The following CCDC159 variants were observed in gnomAD, a reference collection of about 807,000 sequenced individuals.
CCDC159 encodes the protein coiled-coil domain-containing protein 159.
A neutral mutation model predicts 50.9 loss-of-function variants in CCDC159; 40 were observed. The observed-to-expected ratio is 0.79, with a 90% confidence interval of 0.61 to 1.02. CCDC159 has a LOEUF of 1.02. Ranked by LOEUF, CCDC159 falls within the 50% of genes least tolerant of loss-of-function variation. The pLI, the probability that CCDC159 is intolerant of heterozygous loss-of-function variation, is 0.00. For synonymous variants in CCDC159, 146 were observed against 138.9 expected, an observed-to-expected ratio of 1.05 and a Z score of -0.36; for missense variants, 356 against 371.5, an observed-to-expected ratio of 0.96 and a Z score of 0.34.
In CCDC159 at chr19:11,351,989, C is replaced by T. The variant is rs1367624414; in HGVS notation, c.490+16C>T. 2.5e-6 allele frequency: 4 copies of T among 1,610,718 alleles called. No homozygotes were observed. The highest frequency in any genetic ancestry group is 2.2e-5 in the South Asian group (2 of 90,614). On this transcript the variant is annotated intron_variant, in intron 6 of 10. Coordinates refer to ENST00000458408, the MANE Select transcript of CCDC159 (RefSeq NM_001080503.3). Reference sequence around the variant, plus strand: ...CAGAAGCTCCGTGAGTTCCTGGAGCCCACAGCCGGTGTGTGGGGAGGGGGT... The same window carrying T: ...CAGAAGCTCCGTGAGTTCCTGGAGCTCACAGCCGGTGTGTGGGGAGGGGGT...
chr19:11,349,841 TCCCTACTGCTACTCTGAGC>T, intron 2 of CCDC159, 78 bp from the exon 3 acceptor site: 1 of 1,267,838 alleles, frequency 7.9e-7, no homozygotes, highest in Non-Finnish European at 1.1e-6. Flanking sequence ...TTATCCCCTG[TCCCTACTGCTACTCTGAGC>T]CTTTGCTGAC....
At chr19:11,352,441 A>G (rs1967637420) in intron 7 of CCDC159, 1 of 337,552 alleles carries the variant, frequency 3.0e-6, no homozygotes, top group Admixed American at 4.5e-5. Flanking sequence ...CCCCGTCTAT[A>G]CTAAAAATAC....
chr19:11,347,332 T>C (rs188529989), intron 1 of CCDC159, among the ~76,000 whole-genome samples: 1 of 152,148 alleles, frequency 6.6e-6, no homozygotes, highest in African/African-American at 2.4e-5. Flanking sequence ...TAGTTTTTGT[T>C]TGTCTGTTTG....
chr19:11,350,896 G>A lies in CCDC159; in HGVS notation c.315G>A (p.Leu105=). The change falls in exon 5 of 11, where the codon CTG becomes CTA. Residue 105 remains leucine, a synonymous_variant. Coordinates refer to ENST00000458408, the MANE Select transcript of CCDC159 (RefSeq NM_001080503.3). The part of the protein sequence containing the change: ...EQGRQELYGA[L]TQGLQGLEKT... ...GCCGGCAGGAGCTGTATGGGGCCCTGACCCAAGGCCTTCAGGGGCTGGAGA... is the reference window on the plus strand; with the variant it reads ...GCCGGCAGGAGCTGTATGGGGCCCTAACCCAAGGCCTTCAGGGGCTGGAGA... The A allele has an allele frequency of 6.4e-7, 1 of 1,552,838 alleles. No individual in the cohort carries two copies. The highest frequency in any genetic ancestry group is 8.7e-7 in the Non-Finnish European group (1 of 1,148,112).
chr19:11,349,307 T>G, intron 1 of CCDC159: 2 of 656,778 alleles, frequency 3.0e-6, no homozygotes, highest in Non-Finnish European at 4.5e-6. Context: ...GCACCCACTG[T>G]GTTTCTTCAG....
chr19:11,349,482 C>A (rs986688844), intron 1 of CCDC159, 172 bp from the exon 2 acceptor site: 1 of 759,196 alleles, frequency 1.3e-6, no homozygotes, highest in Admixed American at 2.4e-5. Context: ...ATATGTAGCC[C>A]AAGGGGGAGG....
intron 5 of CCDC159, chr19:11,351,631 C>G: frequency 3.4e-6 from 1 of 295,094 alleles, no homozygotes; most frequent in Non-Finnish European, 5.9e-6. Flanking sequence ...GGACAGGAGA[C>G]TGGGGGTATA....
Position 11,349,991 on chromosome 19 carries a change from G to C in CCDC159, c.109G>C (p.Glu37Gln), listed in dbSNP as rs763235235. The part of the protein sequence containing the change: ...DSQKLLRCEL[E>Q]SLKSQLQAQT... ...CCAGAAGCTCCTGCGATGTGAACTT[G>C]AGTCACTCAAGAGCCAGTTACAGGC... Residue 37 changes from glutamate to glutamine, a missense_variant, in exon 3 of 11, where the codon GAG becomes CAG. Glu to Gln is a conservative substitution (Grantham distance 29). Coordinates refer to ENST00000458408, the MANE Select transcript of CCDC159 (RefSeq NM_001080503.3). The C allele has an allele frequency of 1.9e-6, 3 of 1,613,742 alleles. No homozygotes were observed. Among genetic ancestry groups the C allele is most frequent in the East Asian group, 4.5e-5 (2 of 44,852 alleles).
intron 4 of CCDC159, 110 bp from the exon 5 acceptor site, chr19:11,350,698 G>T (rs181922957): frequency 1.8e-6 from 2 of 1,103,698 alleles, no homozygotes; most frequent in Admixed American, 6.0e-5. Context: ...GATCAGCTGG[G>T]CCAGGCCAGG....
At chr19:11,348,059 C>G (rs1388176759) in intron 1 of CCDC159, 1 of 449,434 alleles carries the variant, frequency 2.2e-6, no homozygotes, top group African/African-American at 2.0e-5. Flanking sequence ...CTGCTGCTTC[C>G]TCTCGGACCT....
At chr19:11,353,372 T>C (rs1967686885) in intron 7 of CCDC159, 79 bp from the exon 8 acceptor site, 1 of 1,455,634 alleles carries the variant, frequency 6.9e-7, no homozygotes, top group Non-Finnish European at 9.3e-7. Flanking sequence ...AGTGCTGGGA[T>C]TACAGGTGTG....
chr19:11,352,751 C>G (rs1967653313), intron 7 of CCDC159, among the ~76,000 whole-genome samples: 1 of 151,834 alleles, frequency 6.6e-6, no homozygotes, highest in Admixed American at 6.6e-5. Flanking sequence ...GGCAACATGG[C>G]AAAACCCTGT....
Position 11,352,146 on chromosome 19 carries a change from G to C in CCDC159, c.567+13G>C. 1 of 1,612,156 alleles carries C rather than the reference G, an allele frequency of 6.2e-7. No individual in the cohort carries two copies. Among genetic ancestry groups the C allele is most frequent in the South Asian group, 1.1e-5 (1 of 91,078 alleles). On this transcript the variant is annotated intron_variant, in intron 7 of 10. Coordinates refer to ENST00000458408, the MANE Select transcript of CCDC159 (RefSeq NM_001080503.3). ...GAAATGCCGCAAAGTGAGTGGAGGA[G>C]ATGGGGACCCTGGGGAGGAGTGGGA...
rs535514261 is a variant in CCDC159 at position 11,349,357 on chromosome 19, AG to A, written c.22-296del. ...CCTGGCACTCAGCAGGCCCTGGCTA[AG>A]CAAGTCTTAAATGAATGGATGAAGG... On this transcript the variant is annotated intron_variant, in intron 1 of 10. Transcript: ENST00000458408. 1,504 of 487,854 alleles carry A rather than the reference AG, an allele frequency of 3.1e-3. 4 individuals are homozygous for A. Among genetic ancestry groups the A allele is most frequent in the Non-Finnish European group, 3.9e-3 (1,065 of 276,218 alleles). 30.2% of individuals were successfully genotyped at this position (487,854 alleles called of 1,614,324 possible). A position where few individuals can be genotyped will look rare whatever the true frequency, so the allele number is the denominator to read the frequency against.
Position 11,351,000 on chromosome 19 carries a change from A to T in CCDC159, c.419A>T (p.Asp140Val), listed in dbSNP as rs897890449. ...CLQLLAQEIR[D>V]SKKFLWEELE... is the part of the protein sequence containing the mutation. The stretch of plus-strand genomic sequence containing the variant: ...CAGCTGCTGGCCCAGGAGATCCGGG[A>T]CAGGTCGGGGATGGCGGGAGGGCAG... Residue 140 changes from aspartate to valine, a missense_variant, in exon 5 of 11, where the codon GAC becomes GTC. Physicochemically the swap from Asp to Val is radical, Grantham distance 152 (BLOSUM62 -3). Coordinates refer to ENST00000458408, the MANE Select transcript of CCDC159 (RefSeq NM_001080503.3). The T allele has an allele frequency of 6.5e-7, 1 of 1,548,720 alleles. No individual in the cohort carries two copies. The highest frequency in any genetic ancestry group is 2.4e-5 in the East Asian group (1 of 40,966).
At chr19:11,348,696 G>T in intron 1 of CCDC159, 3 of 460,030 alleles carry the variant, frequency 6.5e-6, no homozygotes, top group Non-Finnish European at 1.3e-5. Flanking sequence ...GGGTCTGGGG[G>T]CACTGGGGAC....
chr19:11,346,774 G>C (rs999749942), intron 1 of CCDC159, 147 bp downstream of exon 1: 1 of 912,082 alleles, frequency 1.1e-6, no homozygotes, highest in African/African-American at 1.7e-5. Context: ...GGGGAGAGAG[G>C]AGGCACTACT....
At chr19:11,351,188 G>A in intron 5 of CCDC159, 185 bp downstream of exon 5, 2 of 624,644 alleles carry the variant, frequency 3.2e-6, no homozygotes, top group Non-Finnish European at 5.3e-6. Context: ...TGTAATCCCA[G>A]CACTTTGGGA....
rs371590798 is a variant in CCDC159, at chr19:11,348,591, G to A, written c.22-1063G>A. Reference sequence around the variant, plus strand: ...GGCGTGAGCCACCATTGCTGGCCGCGTCTGGCCTTGGGATCATCTTTTATC... The same window carrying A: ...GGCGTGAGCCACCATTGCTGGCCGCATCTGGCCTTGGGATCATCTTTTATC... On this transcript the variant is annotated intron_variant, in intron 1 of 10. Coordinates refer to ENST00000458408, the MANE Select transcript of CCDC159 (RefSeq NM_001080503.3). Among the ~76,000 whole-genome samples the A allele has an allele frequency of 5.5e-4, 83 of 152,242 alleles. No homozygotes were observed. The South Asian group carries it at 0.016, about 30-fold the overall frequency.
Sources: gnomAD v4.1 joint callset for allele counts (sites outside exome capture counted in the v4.1 genomes callset) on GRCh38, gnomAD v4.1.1 for gene constraint, MANE v1.5 for transcripts, NCBI Gene and HGNC (gene_info 2026-07-23, HGNC 2026-07-21) for gene names.